NOP9: variants seen among roughly 807,000 people sequenced by gnomAD.
NOP9 encodes the protein NOP9 nucleolar protein.
A neutral mutation model predicts 63.0 loss-of-function variants in NOP9; 50 were observed. That is an observed-to-expected ratio of 0.79 (90% CI 0.63 to 1.00). The LOEUF (loss-of-function observed/expected upper bound fraction) is 1.00. NOP9 is among the 50% of genes least tolerant of loss of function. The pLI is 0.00. For synonymous variants in NOP9, 343 were observed against 332.8 expected (o/e 1.03, Z -0.33); for missense variants, 758 against 803.0 (o/e 0.94, Z 0.68).
the NOP9 span, among the ~76,000 whole-genome samples, chr14:24,273,135 G>A: frequency 1.3e-5 from 2 of 151,520 alleles, no homozygotes; most frequent in Non-Finnish European, 2.9e-5. Context: ...TGGCATGTGT[G>A]TGTTTATAAC....
upstream of NOP9, among the ~76,000 whole-genome samples, chr14:24,295,817 G>A (rs959345619): frequency 2.6e-5 from 4 of 152,186 alleles, no homozygotes; most frequent in Admixed American, 1.3e-4. Context: ...AAATTGGAGC[G>A]GTGGGTGTTC....
At chr14:24,291,717 G>T in the NOP9 span, 1 of 1,323,428 alleles carries the variant, frequency 7.6e-7, no homozygotes. Context: ...AGGAGAAAAA[G>T]ACCAAAGACC....
At position 24,303,168 on chromosome 14, in the gene NOP9, G is replaced by A. The variant is rs771997987; in HGVS notation, c.1238G>A (p.Arg413His). 1.2e-5 allele frequency: 19 copies of A among 1,613,738 alleles called. No homozygotes were observed. The highest frequency in any genetic ancestry group is 4.0e-5 in the African/African-American group (3 of 74,872). ...GTCATTGCCCTGGTGGGGGCCTGTC[G>A]CAGAGTTGGGGCCTACCAAGCCAAG... ...GVVIALVGAC[R>H]RVGAYQAKVL... The change falls in exon 6 of 10, where the codon CGC (arginine) becomes CAC (histidine). Residue 413 changes from arginine (R) to histidine (H), a missense_variant. Arg to His is a conservative substitution (Grantham distance 29). Coordinates refer to ENST00000267425, the MANE Select transcript of NOP9 (RefSeq NM_174913.3).
chr14:24,304,974 G>C lies in NOP9; in HGVS notation c.1790G>C (p.Gly597Ala). 1 of 1,583,708 alleles carries C rather than the reference G, an allele frequency of 6.3e-7. No homozygotes were observed. The change falls in exon 10 of 10, where the codon GGC (glycine) becomes GCC (alanine). Residue 597 changes from glycine to alanine, a missense_variant. Coordinates refer to ENST00000267425, the MANE Select transcript of NOP9 (RefSeq NM_174913.3). ...QNQELIRDPFGHHVARNVALT... is the reference protein window; with the variant it reads ...QNQELIRDPFAHHVARNVALT... ...CAGGAGCTGATAAGAGACCCTTTCG[G>C]CCACCATGTGGCTCGAAATGTGGCC... is the stretch of plus-strand genomic sequence containing the variant.
At chr14:24,291,638 G>A in the NOP9 span, 1 of 1,613,678 alleles carries the variant, frequency 6.2e-7, no homozygotes, top group South Asian at 1.1e-5. Flanking sequence ...GAAACACAGG[G>A]GCAGAGAAGT....
Position 24,306,694 on chromosome 14 carries a change from G to T in NOP9, c.*1599G>T. 1.3e-6 allele frequency: 1 copy of T among 751,672 alleles called. No individual in the cohort carries two copies. The highest frequency in any genetic ancestry group is 2.1e-6 in the Non-Finnish European group (1 of 465,832). 46.6% of individuals were successfully genotyped at this position (751,672 alleles called of 1,614,324 possible). Reference sequence around the variant, plus strand: ...GCTCTCCGTGTTCTTCAGTTTTTGGGGGATCCTAGCTAGAGGCTGACCTTT... The same window carrying T: ...GCTCTCCGTGTTCTTCAGTTTTTGGTGGATCCTAGCTAGAGGCTGACCTTT... On this transcript the variant is annotated 3_prime_UTR_variant, in exon 10 of 10. Coordinates refer to ENST00000267425, the MANE Select transcript of NOP9 (RefSeq NM_174913.3).
chr14:24,294,648 T>A, the NOP9 span: 1 of 152,084 alleles, frequency 6.6e-6, no homozygotes, highest in African/African-American at 2.4e-5. Flanking sequence ...GGAGTATGCG[T>A]GTGAAAAATG....
At chr14:24,291,268 G>C in the NOP9 span, 1 of 1,592,514 alleles carries the variant, frequency 6.3e-7, no homozygotes, top group South Asian at 1.1e-5. Flanking sequence ...AGTATGCAGA[G>C]TGACAAGGTT....
At position 24,306,418 on chromosome 14, in the gene NOP9, A is replaced by G. The variant is rs764593630; in HGVS notation, c.*1323A>G. ...TGACCAGACTGCAACACCATCAGGC[A>G]CGTGTCATCCTCCAGCAGCTGGAAG... On this transcript the variant is annotated 3_prime_UTR_variant, in exon 10 of 10. Transcript: ENST00000267425. 9.3e-6 allele frequency: 15 copies of G among 1,614,110 alleles called. No individual in the cohort carries two copies. The highest frequency in any genetic ancestry group is 5.0e-5 in the Admixed American group (3 of 60,010).
Position 24,302,251 on chromosome 14 carries a change from C to T in NOP9, c.970C>T (p.Arg324Ter), listed in dbSNP as rs754564750. Reference protein sequence around the residue: ...VDGSPLLLFLRDQTSSRLLEQ... With the variant: ...VDGSPLLLFL ...CCCTAGTCCCCTACTGCTATTTCTC[C>T]GAGATCAGACGAGTTCCAGACTCCT... The change falls in exon 5 of 10, where the codon CGA (arginine) becomes TGA (stop). Residue 324 changes from arginine (R) to a stop codon, truncating the protein, a stop_gained. Transcript: ENST00000267425. LOFTEE classifies it high-confidence loss of function. The T allele has an allele frequency of 7.4e-6, 12 of 1,612,510 alleles. No homozygotes were observed. Among genetic ancestry groups the T allele is most frequent in the Admixed American group, 1.7e-5 (1 of 59,960 alleles).
chr14:24,299,703 C>T, upstream of NOP9: 1 of 463,086 alleles, frequency 2.2e-6, no homozygotes, highest in Non-Finnish European at 3.8e-6. Context: ...TAGTAGGACC[C>T]GGGGCGATTC....
chr14:24,283,007 C>T, the NOP9 span, among the ~76,000 whole-genome samples: 1 of 152,212 alleles, frequency 6.6e-6, no homozygotes, highest in South Asian at 2.1e-4. Context: ...CTGAGAACTG[C>T]AGAACTCTCA....
chr14:24,295,695 C>T (rs1251703894), upstream of NOP9, among the ~76,000 whole-genome samples: 1 of 152,226 alleles, frequency 6.6e-6, no homozygotes, highest in Non-Finnish European at 1.5e-5. Context: ...TAACGTGTCC[C>T]TTTCTTGCCT....
chr14:24,280,486 A>G, the NOP9 span, among the ~76,000 whole-genome samples: 2 of 152,156 alleles, frequency 1.3e-5, no homozygotes, highest in African/African-American at 2.4e-5. Context: ...CCTGCTGTGA[A>G]CTACCTACCC....
the NOP9 span, among the ~76,000 whole-genome samples, chr14:24,281,133 C>T: frequency 1.3e-5 from 2 of 152,156 alleles, no homozygotes; most frequent in Non-Finnish European, 2.9e-5. Flanking sequence ...CCTGGAGTAG[C>T]CCTACAGAGG....
chr14:24,272,489 T>TA, the NOP9 span, among the ~76,000 whole-genome samples: 3 of 152,362 alleles, frequency 2.0e-5, no homozygotes, highest in East Asian at 5.8e-4. Context: ...CCACTGCCAC[T>TA]AGGAGTTCAA....
chr14:24,276,277 T>G, the NOP9 span, among the ~76,000 whole-genome samples: 1 of 150,224 alleles, frequency 6.7e-6, no homozygotes, highest in Non-Finnish European at 1.5e-5. Flanking sequence ...CATGGGAGGC[T>G]GAGGCAGGAG....
At chr14:24,286,957 T>C in the NOP9 span, among the ~76,000 whole-genome samples, 1 of 151,842 alleles carries the variant, frequency 6.6e-6, no homozygotes, top group Admixed American at 6.6e-5. Context: ...TGGCGCAATC[T>C]CAGCTCACTG....
chr14:24,276,152 G>C, the NOP9 span, among the ~76,000 whole-genome samples: 1 of 151,968 alleles, frequency 6.6e-6, no homozygotes, highest in Non-Finnish European at 1.5e-5. Flanking sequence ...CGAGGCAGGC[G>C]GATCACTTGA....
Sources: gnomAD v4.1 joint callset for allele counts (sites outside exome capture counted in the v4.1 genomes callset) on GRCh38, gnomAD v4.1.1 for gene constraint, MANE v1.5 for transcripts, NCBI Gene and HGNC (gene_info 2026-07-23, HGNC 2026-07-21) for gene names.